The following TLN2 variants were observed in gnomAD, a reference collection of about 807,000 sequenced individuals.
The protein encoded by TLN2 is talin 2.
In TLN2, 118 loss-of-function variants were observed where a neutral mutation model predicts 294.7. The observed-to-expected ratio is 0.40, with a 90% CI of 0.34 to 0.47. The LOEUF (loss-of-function observed/expected upper bound fraction) is 0.47. TLN2 is among the 20% of genes least tolerant of loss of function. TLN2 has a pLI of 0.84. For synonymous variants in TLN2, 1,431 were observed against 1,304.5 expected, an observed-to-expected ratio of 1.10 and a Z score of -2.09; for missense variants, 3,083 against 3,282.2, an observed-to-expected ratio of 0.94 and a Z score of 1.48.
At chr15:62,422,523 C>A (rs916394960) in intron 1 of TLN2, among the ~76,000 whole-genome samples, 1 of 152,168 alleles carries the variant, frequency 6.6e-6, no homozygotes, top group Non-Finnish European at 1.5e-5. Context: ...ATTATCTGAG[C>A]ATTAGGCCAT....
chr15:62,818,060 C>T (rs547472952), intron 52 of TLN2, among the ~76,000 whole-genome samples: 5 of 152,130 alleles, frequency 3.3e-5, no homozygotes, highest in East Asian at 1.9e-4. Flanking sequence ...TCTACCCGCC[C>T]GAGCCTCCCA....
chr15:62,647,251 G>A, intron 3 of TLN2, 24 bp from the exon 4 acceptor site: 2 of 1,569,046 alleles, frequency 1.3e-6, no homozygotes, highest in Non-Finnish European at 8.7e-7. Flanking sequence ...TGAACATCAG[G>A]GTTTGTCTCT....
intron 11 of TLN2, among the ~76,000 whole-genome samples, chr15:62,682,672 A>G (rs2056941084): frequency 6.6e-6 from 1 of 152,120 alleles, no homozygotes; most frequent in African/African-American, 2.4e-5. Context: ...GGGAGCTGTA[A>G]ATGTCTACAT....
chr15:62,709,606 A>G (rs928613342), intron 21 of TLN2, among the ~76,000 whole-genome samples: 2 of 152,190 alleles, frequency 1.3e-5, no homozygotes, highest in African/African-American at 2.4e-5. Context: ...AAACATACGC[A>G]ATACACCTTT....
At chr15:62,429,126 G>A (rs544288497) in intron 1 of TLN2, among the ~76,000 whole-genome samples, 30 of 150,960 alleles carry the variant, frequency 2.0e-4, no homozygotes, top group African/African-American at 7.3e-4. Flanking sequence ...GGGGTTGGCG[G>A]GGGTTGGGGG....
intron 44 of TLN2, 61 bp downstream of exon 44, chr15:62,781,302 T>G: frequency 7.6e-7 from 1 of 1,311,982 alleles, no homozygotes; most frequent in Non-Finnish European, 1.1e-6. Flanking sequence ...CTGCCGCCGC[T>G]GAGCCTGCAA....
intron 4 of TLN2, among the ~76,000 whole-genome samples, chr15:62,648,626 C>T (rs2052214581): frequency 6.9e-6 from 1 of 145,812 alleles, no homozygotes; most frequent in Admixed American, 7.1e-5. Context: ...TGGCTCACTG[C>T]AACCTCCACC....
At chr15:62,762,198 A>G in intron 38 of TLN2, 74 bp from the exon 39 acceptor site, 2 of 1,534,022 alleles carry the variant, frequency 1.3e-6, no homozygotes, top group South Asian at 2.4e-5. Context: ...GGCAAAGAAC[A>G]GGACCTTTCA....
intron 46 of TLN2, among the ~76,000 whole-genome samples, 157 bp from the exon 47 acceptor site, chr15:62,795,970 A>G (rs1412811313): frequency 2.0e-5 from 3 of 151,958 alleles, no homozygotes; most frequent in Non-Finnish European, 4.4e-5. Context: ...TAAATGGCAA[A>G]GCTGGTATCC....
intron 44 of TLN2, among the ~76,000 whole-genome samples, chr15:62,783,090 A>G (rs927025283): frequency 5.9e-5 from 9 of 152,250 alleles, no homozygotes; most frequent in Non-Finnish European, 1.3e-4. Context: ...TCTTCATAAT[A>G]AAGGCAGAAC....
At chr15:62,452,588 A>G (rs1306935579) in intron 1 of TLN2, among the ~76,000 whole-genome samples, 2 of 152,160 alleles carry the variant, frequency 1.3e-5, no homozygotes, top group African/African-American at 2.4e-5. Flanking sequence ...GAAACTGCCC[A>G]TTACTGCTTA....
chr15:62,591,489 A>G (rs767434869), intron 2 of TLN2, among the ~76,000 whole-genome samples: 3 of 152,194 alleles, frequency 2.0e-5, no homozygotes, highest in Admixed American at 6.5e-5. Context: ...AAGGGATTCT[A>G]TTGGGAACCT....
At chr15:62,747,981 G>A (rs1000065249) in intron 32 of TLN2, among the ~76,000 whole-genome samples, 2 of 152,116 alleles carry the variant, frequency 1.3e-5, no homozygotes, top group Non-Finnish European at 2.9e-5. Context: ...TGCTGTCTGA[G>A]AGGTGGCAGA....
At chr15:62,438,645 A>G (rs2035408084) in intron 1 of TLN2, among the ~76,000 whole-genome samples, 1 of 152,200 alleles carries the variant, frequency 6.6e-6, no homozygotes, top group African/African-American at 2.4e-5. Context: ...TTTAGGTTCA[A>G]GCCTGAGAAT....
chr15:62,840,115 C>T (rs563748281), intron 58 of TLN2, among the ~76,000 whole-genome samples: 1 of 152,168 alleles, frequency 6.6e-6, no homozygotes, highest in Non-Finnish European at 1.5e-5. Context: ...ACCTACATTG[C>T]TCAGCTTCAG....
rs759679956 is a variant in TLN2, at chr15:62,564,925, A to AAATAT, written c.-237-24761_-237-24760insATATA. ...CATCTCAAAAAAAAAAAAAAAAAAA[A>AAATAT]ATATATATATATATATACTGCATTC... On this transcript the variant is annotated intron_variant, in intron 1 of 58. Transcript: ENST00000636159. Among the ~76,000 whole-genome samples the AAATAT allele has an allele frequency of 6.6e-3, 534 of 80,570 alleles. 5 individuals carry two copies. Among genetic ancestry groups the AAATAT allele is most frequent in the African/African-American group, 0.024 (507 of 20,976 alleles). The allele number at this position is 80,570 out of a possible 152,430, so 52.9% of individuals were successfully genotyped here.
At chr15:62,647,910 T>G (rs983832583) in intron 4 of TLN2, among the ~76,000 whole-genome samples, 1 of 152,156 alleles carries the variant, frequency 6.6e-6, no homozygotes, top group African/African-American at 2.4e-5. Context: ...AAAAAAGACA[T>G]TTGTGATATA....
chr15:62,768,054 C>A (rs987137455), intron 41 of TLN2, among the ~76,000 whole-genome samples: 5 of 152,136 alleles, frequency 3.3e-5, no homozygotes, highest in Admixed American at 2.6e-4. Flanking sequence ...CGCCCTCTAT[C>A]CAGAAGAGCC....
At chr15:62,460,664 G>A (rs576340072) in intron 1 of TLN2, among the ~76,000 whole-genome samples, 91 of 152,284 alleles carry the variant, frequency 6.0e-4, no homozygotes, top group African/African-American at 1.8e-3. Flanking sequence ...GGAATCTTTA[G>A]CTGGCTTTAT....
Sources: allele counts gnomAD v4.1 joint callset (sites outside exome capture counted in the v4.1 genomes callset), GRCh38; gene constraint gnomAD v4.1.1; transcripts MANE v1.5; gene names NCBI Gene and HGNC (gene_info 2026-07-23, HGNC 2026-07-21).